The following PACRG variants were observed in gnomAD, a reference collection of about 807,000 sequenced individuals.
The protein encoded by PACRG is parkin coregulated.
In PACRG, 29 loss-of-function variants were observed where a neutral mutation model predicts 29.7. That is an observed-to-expected ratio of 0.98 (90% CI 0.73 to 1.33). The LOEUF (loss-of-function observed/expected upper bound fraction) is 1.33. PACRG is among the 40% of genes most tolerant of loss of function. PACRG has a pLI of 0.00. For missense variants in PACRG, 279 were observed against 316.2 expected, an observed-to-expected ratio of 0.88 and a Z score of 0.89; for synonymous variants, 116 against 118.7, an observed-to-expected ratio of 0.98 and a Z score of 0.15.
At chr6:162,773,207 A>G (rs558599437) in intron 1 of PACRG, among the ~76,000 whole-genome samples, 3 of 150,782 alleles carry the variant, frequency 2.0e-5, no homozygotes, top group African/African-American at 7.2e-5. Context: ...TGAGTTCAAG[A>G]GCAGACTTTA....
chr6:163,309,048 CT>C (rs1287184976), intron 4 of PACRG, among the ~76,000 whole-genome samples: 2 of 152,008 alleles, frequency 1.3e-5, no homozygotes, highest in African/African-American at 4.8e-5. Flanking sequence ...TTAAATTCCA[CT>C]CAGTGTTGCT....
intron 4 of PACRG, among the ~76,000 whole-genome samples, chr6:163,274,924 A>G (rs62428011): frequency 0.41 from 59,843 of 145,984 alleles, 12,357 homozygotes; most frequent in African/African-American, 0.48. Flanking sequence ...ATGCAGTAGC[A>G]TGATCTCAGC....
At chr6:162,984,126 G>C (rs1029265771) in intron 2 of PACRG, among the ~76,000 whole-genome samples, 1 of 151,876 alleles carries the variant, frequency 6.6e-6, no homozygotes, top group Non-Finnish European at 1.5e-5. Context: ...CCCATCACCT[G>C]AGCAGTGTAC....
chr6:163,217,844 C>G (rs958529836), intron 4 of PACRG, among the ~76,000 whole-genome samples: 5 of 151,950 alleles, frequency 3.3e-5, no homozygotes, highest in African/African-American at 1.2e-4. Flanking sequence ...ATGGGACCAT[C>G]TAGTTGCAGG....
intron 4 of PACRG, among the ~76,000 whole-genome samples, chr6:163,162,191 G>A (rs1421859042): frequency 3.3e-5 from 5 of 152,160 alleles, no homozygotes; most frequent in Non-Finnish European, 7.3e-5. Context: ...AGGACAGCCA[G>A]GTCTCGGCAG....
At chr6:163,100,145 T>C (rs1371757787) in intron 4 of PACRG, among the ~76,000 whole-genome samples, 1 of 151,906 alleles carries the variant, frequency 6.6e-6, no homozygotes, top group East Asian at 2.0e-4. Flanking sequence ...CGGCTACGGC[T>C]CGGCCCGAAC....
intron 2 of PACRG, among the ~76,000 whole-genome samples, chr6:162,927,830 C>A (rs566998902): frequency 1.9e-4 from 29 of 151,888 alleles, no homozygotes; most frequent in Non-Finnish European, 3.4e-4. Context: ...AACAAACAAA[C>A]AAAAAAATGA....
chr6:163,246,984 G>A (rs1782722073), intron 4 of PACRG, among the ~76,000 whole-genome samples: 1 of 152,214 alleles, frequency 6.6e-6, no homozygotes, highest in African/African-American at 2.4e-5. Context: ...TATTTGTAAA[G>A]CAAATGCAGT....
intron 4 of PACRG, among the ~76,000 whole-genome samples, chr6:163,098,768 G>A (rs1027929230): frequency 1.3e-5 from 2 of 152,164 alleles, no homozygotes; most frequent in African/African-American, 4.8e-5. Context: ...AAGGGCTGCT[G>A]GTTGCCCATT....
chr6:163,305,963 A>G (rs1256487714), intron 4 of PACRG, among the ~76,000 whole-genome samples: 1 of 151,686 alleles, frequency 6.6e-6, no homozygotes, highest in Non-Finnish European at 1.5e-5. Context: ...TGATGCTTGG[A>G]CCTCTCTTTC....
At chr6:162,966,096 G>C (rs893689230) in intron 2 of PACRG, among the ~76,000 whole-genome samples, 2 of 152,228 alleles carry the variant, frequency 1.3e-5, no homozygotes, top group African/African-American at 4.8e-5. Context: ...CAGGTGTTTA[G>C]TATTTGTTGA....
intron 1 of PACRG, among the ~76,000 whole-genome samples, chr6:162,811,198 G>A (rs1035893372): frequency 1.3e-5 from 2 of 152,150 alleles, no homozygotes; most frequent in African/African-American, 4.8e-5. Context: ...TTAAAATGTA[G>A]TTTTGGAAAT....
rs114363337 is a variant in PACRG, at chr6:163,315,159, T to C, written c.*172T>C. ...CCCTATTGAGAGCAAGGCTTTCCAA[T>C]ACATAAATAGTGTCTGTTTCTTAGA... On this transcript the variant is annotated 3_prime_UTR_variant, in exon 5 of 5. Coordinates refer to ENST00000366888, the MANE Select transcript of PACRG (RefSeq NM_001080379.2). The C allele has an allele frequency of 1.9e-3, 1,260 of 669,700 alleles. 11 individuals are homozygous for C. In the African/African-American group the frequency reaches 0.021, roughly 11 times the overall value. The allele number at this position is 669,700 out of a possible 1,614,324, so 41.5% of individuals were successfully genotyped here. A position where few individuals can be genotyped will look rare whatever the true frequency, so the allele number is the denominator to read the frequency against.
chr6:162,765,383 C>T (rs1018014507), intron 1 of PACRG, among the ~76,000 whole-genome samples: 11 of 152,154 alleles, frequency 7.2e-5, no homozygotes, highest in African/African-American at 2.6e-4. Flanking sequence ...TGCAACTCTA[C>T]CCCCTTTCCT....
intron 4 of PACRG, among the ~76,000 whole-genome samples, chr6:163,290,988 C>G (rs1197797290): frequency 1.3e-5 from 2 of 152,188 alleles, no homozygotes; most frequent in African/African-American, 4.8e-5. Flanking sequence ...TCCCACTCCT[C>G]GGAACATGGA....
chr6:162,814,408 A>G, intron 2 of PACRG, 127 bp downstream of exon 2: 6 of 1,252,866 alleles, frequency 4.8e-6, no homozygotes, highest in Non-Finnish European at 5.5e-6. Flanking sequence ...GATGGTGGGA[A>G]AGCTCTTAGA....
intron 4 of PACRG, among the ~76,000 whole-genome samples, chr6:163,290,272 GCGCGCGCACACA>G (rs1194158595): frequency 9.9e-6 from 1 of 100,600 alleles, no homozygotes; most frequent in Non-Finnish European, 2.0e-5. Flanking sequence ...ATGCACGCGC[GCGCGCGCACACA>G]CACACACACA....
chr6:163,278,539 T>C (rs1382180577), intron 4 of PACRG, among the ~76,000 whole-genome samples: 1 of 152,174 alleles, frequency 6.6e-6, no homozygotes, highest in Non-Finnish European at 1.5e-5. Flanking sequence ...TCCAACTTCA[T>C]TCTTCTACAT....
intron 1 of PACRG, among the ~76,000 whole-genome samples, chr6:162,760,764 C>T (rs142856788): frequency 1.1e-4 from 16 of 152,114 alleles, no homozygotes; most frequent in East Asian, 1.9e-4. Flanking sequence ...TGGGACGGGC[C>T]GTTGAAGGAT....
Sources: gnomAD v4.1 joint callset for allele counts (sites outside exome capture counted in the v4.1 genomes callset) on GRCh38, gnomAD v4.1.1 for gene constraint, MANE v1.5 for transcripts, NCBI Gene and HGNC (gene_info 2026-07-23, HGNC 2026-07-21) for gene names.